The following TSPAN9 variants were observed in gnomAD, a reference collection of about 807,000 sequenced individuals.
TSPAN9 encodes the protein tetraspanin 9, also known as tetraspanin-9.
Under a neutral mutation model 31.0 loss-of-function variants are expected in TSPAN9, and 16 were observed. That is an observed-to-expected ratio of 0.52 (90% CI 0.35 to 0.78). TSPAN9 has a LOEUF of 0.78. Among genes scored for constraint, TSPAN9 ranks in the 30% least tolerant of loss-of-function variants. TSPAN9 has a pLI of 0.01. For synonymous variants in TSPAN9, 145 were observed against 121.6 expected, an observed-to-expected ratio of 1.19 and a Z score of -1.27; for missense variants, 272 against 312.5, an observed-to-expected ratio of 0.87 and a Z score of 0.98.
intron 3 of TSPAN9, among the ~76,000 whole-genome samples, chr12:3,224,052 T>C (rs908034589): frequency 4.0e-5 from 6 of 151,762 alleles, no homozygotes; most frequent in African/African-American, 9.7e-5. Flanking sequence ...GATGGATTTG[T>C]GCTTCTTTAG....
At chr12:3,080,522 G>T (rs914578913) in intron 1 of TSPAN9, among the ~76,000 whole-genome samples, 5 of 152,120 alleles carry the variant, frequency 3.3e-5, no homozygotes, top group Non-Finnish European at 5.9e-5. Context: ...TTTTTTAGTA[G>T]AGACGGGGTT....
At chr12:3,112,845 G>C (rs2098319849) in intron 2 of TSPAN9, among the ~76,000 whole-genome samples, 1 of 151,678 alleles carries the variant, frequency 6.6e-6, no homozygotes, top group Non-Finnish European at 1.5e-5. Context: ...ACCACACCTA[G>C]CTAATTTTTA....
chr12:3,145,482 G>A (rs899818093), intron 2 of TSPAN9, among the ~76,000 whole-genome samples: 3 of 152,150 alleles, frequency 2.0e-5, no homozygotes, highest in African/African-American at 7.2e-5. Flanking sequence ...ATACCCGTGG[G>A]CAGAGGAGCA....
At chr12:3,275,454 A>T (rs1009202205) in intron 3 of TSPAN9, among the ~76,000 whole-genome samples, 5 of 152,220 alleles carry the variant, frequency 3.3e-5, no homozygotes, top group Non-Finnish European at 7.3e-5. Flanking sequence ...TTTTAGAGCC[A>T]TAAATCTTCA....
At chr12:3,207,911 C>G (rs2098376203) in intron 3 of TSPAN9, among the ~76,000 whole-genome samples, 1 of 152,222 alleles carries the variant, frequency 6.6e-6, no homozygotes, top group African/African-American at 2.4e-5. Context: ...AACAAAGCCC[C>G]TCCTGAGTGG....
At chr12:3,246,220 C>T (rs770751734) in intron 3 of TSPAN9, among the ~76,000 whole-genome samples, 2 of 151,830 alleles carry the variant, frequency 1.3e-5, no homozygotes, top group Non-Finnish European at 2.9e-5. Flanking sequence ...TTCAAACGAC[C>T]CAGTCTTGTG....
chr12:3,105,106 C>T (rs112430132), intron 2 of TSPAN9, among the ~76,000 whole-genome samples: 113 of 152,316 alleles, frequency 7.4e-4, no homozygotes, highest in African/African-American at 2.3e-3. Context: ...ATTTGTGCCC[C>T]GTCTGCGCAC....
intron 3 of TSPAN9, among the ~76,000 whole-genome samples, chr12:3,206,658 A>G (rs2098375411): frequency 1.3e-5 from 2 of 150,806 alleles, no homozygotes; most frequent in Non-Finnish European, 3.0e-5. Context: ...TGTTTCTTCC[A>G]CTGAAAAGGC....
At chr12:3,154,825 T>C (rs1296579410) in intron 2 of TSPAN9, among the ~76,000 whole-genome samples, 3 of 152,240 alleles carry the variant, frequency 2.0e-5, no homozygotes, top group Admixed American at 6.5e-5. Context: ...CTGCCATGAT[T>C]CCATGACTGC....
At chr12:3,281,939 A>G (rs1036123075) in intron 8 of TSPAN9, 122 bp downstream of exon 8, 6 of 1,101,594 alleles carry the variant, frequency 5.4e-6, no homozygotes, top group Non-Finnish European at 6.8e-6. Flanking sequence ...CATCACAGCT[A>G]TTCAAGCTTA....
chr12:3,095,698 G>A (rs1329623668), intron 2 of TSPAN9, among the ~76,000 whole-genome samples: 2 of 151,600 alleles, frequency 1.3e-5, no homozygotes, highest in Non-Finnish European at 1.5e-5. Flanking sequence ...TTCCCAGATG[G>A]GGCGGCGGGG....
intron 2 of TSPAN9, among the ~76,000 whole-genome samples, chr12:3,189,972 C>T (rs1456555653): frequency 6.6e-6 from 1 of 152,224 alleles, no homozygotes; most frequent in Non-Finnish European, 1.5e-5. Context: ...CTCACTCTAT[C>T]AGCGAGAGTG....
At chr12:3,184,275 G>C (rs888605769) in intron 2 of TSPAN9, among the ~76,000 whole-genome samples, 1 of 152,140 alleles carries the variant, frequency 6.6e-6, no homozygotes, top group Non-Finnish European at 1.5e-5. Context: ...GTGCACACTT[G>C]TAGTCCCAGC....
rs796947696 is a variant in TSPAN9, at chr12:3,129,552, C to T, written c.-18+45833C>T. On this transcript the variant is annotated intron_variant, in intron 2 of 8. Coordinates refer to ENST00000011898, the MANE Select transcript of TSPAN9 (RefSeq NM_006675.5). ...ATCCTAATTCCACCACACACAAGCTCGTCATCACATGTATCCCTTAACTCT... is the reference window on the plus strand; with the variant it reads ...ATCCTAATTCCACCACACACAAGCTTGTCATCACATGTATCCCTTAACTCT... Among the ~76,000 whole-genome samples, 7 of 152,248 alleles carry T rather than the reference C, an allele frequency of 4.6e-5. No homozygotes were observed. The South Asian group carries it at 6.2e-4, about 14-fold the overall frequency.
intron 3 of TSPAN9, among the ~76,000 whole-genome samples, chr12:3,227,952 C>T (rs190830241): frequency 5.9e-5 from 9 of 152,282 alleles, no homozygotes; most frequent in Admixed American, 1.3e-4. Flanking sequence ...ATACGTCTCT[C>T]ATTTGGTCCT....
At chr12:3,122,058 C>T (rs588056) in intron 2 of TSPAN9, among the ~76,000 whole-genome samples, 96,492 of 151,670 alleles carry the variant, frequency 0.64, 30,881 homozygotes, top group East Asian at 0.74. Flanking sequence ...TAGAGTTGGC[C>T]GGGCGCGTGG....
chr12:3,092,401 G>T (rs1291358600), intron 2 of TSPAN9, among the ~76,000 whole-genome samples: 1 of 152,220 alleles, frequency 6.6e-6, no homozygotes, highest in Non-Finnish European at 1.5e-5. Flanking sequence ...CTTTAGCCAA[G>T]TGTAAAGTTA....
intron 2 of TSPAN9, chr12:3,124,670 A>G (rs915352322): frequency 1.3e-5 from 2 of 152,056 alleles, no homozygotes; most frequent in African/African-American, 4.8e-5. Context: ...TCGACCTCCC[A>G]AAGTGCTGGG....
intron 3 of TSPAN9, among the ~76,000 whole-genome samples, chr12:3,259,597 G>A (rs1017453201): frequency 6.6e-6 from 1 of 152,182 alleles, no homozygotes; most frequent in Non-Finnish European, 1.5e-5. Context: ...CACAAGAAAC[G>A]GAAAGGAAGC....
Sources: allele counts gnomAD v4.1 joint callset (sites outside exome capture counted in the v4.1 genomes callset), GRCh38; gene constraint gnomAD v4.1.1; transcripts MANE v1.5; gene names NCBI Gene and HGNC (gene_info 2026-07-23, HGNC 2026-07-21).